The following TBC1D15 variants were observed in gnomAD, a reference collection of about 807,000 sequenced individuals.
TBC1D15 encodes the protein TBC1 domain family member 15.
TBC1D15 carries 39 observed loss-of-function variants against 95.4 expected under a neutral mutation model. The observed-to-expected ratio is 0.41, with a 90% CI of 0.32 to 0.53. The LOEUF is 0.53. Among genes scored for constraint, TBC1D15 ranks in the 20% least tolerant of loss-of-function variants. TBC1D15 has a pLI of 0.29. For synonymous variants in TBC1D15, 258 were observed against 261.3 expected (o/e 0.99, Z 0.12); for missense variants, 733 against 794.3 (o/e 0.92, Z 0.93).
At chr12:71,891,052 T>C (rs1489410156) in intron 5 of TBC1D15, among the ~76,000 whole-genome samples, 1 of 152,106 alleles carries the variant, frequency 6.6e-6, no homozygotes, top group Admixed American at 6.6e-5. Flanking sequence ...AAAGATTAGG[T>C]TCTAGATGTA....
chr12:71,908,616 CA>C (rs1901403156), intron 11 of TBC1D15, among the ~76,000 whole-genome samples: 1 of 152,124 alleles, frequency 6.6e-6, no homozygotes, highest in Non-Finnish European at 1.5e-5. Context: ...GACAGTAAGT[CA>C]AAAGTTGCAG....
chr12:71,923,299 CT>C lies in TBC1D15; in HGVS notation c.*98del. The C allele has an allele frequency of 8.8e-7, 1 of 1,130,202 alleles. No individual in the cohort carries two copies. Among genetic ancestry groups the C allele is most frequent in the Non-Finnish European group, 1.3e-6 (1 of 772,984 alleles). 70.0% of individuals were successfully genotyped at this position (1,130,202 alleles called of 1,614,324 possible). A position where few individuals can be genotyped will look rare whatever the true frequency, so the allele number is the denominator to read the frequency against. On this transcript the variant is annotated 3_prime_UTR_variant, in exon 17 of 17. Transcript: ENST00000485960. ...ATTTGAAATCTTGGTATTGATCATGCTTTAAGGTTTATGTAAAGAAAGTGTA... is the reference window on the plus strand; with the variant it reads ...ATTTGAAATCTTGGTATTGATCATGCTTAAGGTTTATGTAAAGAAAGTGTA...
chr12:71,883,426 T>C (rs564757464), intron 4 of TBC1D15, among the ~76,000 whole-genome samples: 14 of 152,196 alleles, frequency 9.2e-5, no homozygotes, highest in Admixed American at 2.0e-4. Context: ...TGCTGGTCAT[T>C]GTATATAGAT....
intron 12 of TBC1D15, 135 bp downstream of exon 12, chr12:71,914,061 T>C (rs1310418743): frequency 1.7e-6 from 1 of 601,988 alleles, no homozygotes; most frequent in Non-Finnish European, 2.7e-6. Context: ...TTTGTTACTT[T>C]TTCTTTTTAG....
intron 1 of TBC1D15, among the ~76,000 whole-genome samples, chr12:71,871,230 T>C (rs774262783): frequency 6.6e-6 from 1 of 152,200 alleles, no homozygotes; most frequent in Non-Finnish European, 1.5e-5. Context: ...ATTATGTCTT[T>C]ATCATCTTCA....
intron 11 of TBC1D15, among the ~76,000 whole-genome samples, chr12:71,912,537 G>T (rs775998886): frequency 1.3e-5 from 2 of 152,080 alleles, no homozygotes; most frequent in Non-Finnish European, 2.9e-5. Context: ...TCTGTCTGTT[G>T]TGTGTTTGAT....
At chr12:71,877,501 TTCCTTCCTTC>T (rs760741304) in intron 3 of TBC1D15, among the ~76,000 whole-genome samples, 4,127 of 63,478 alleles carry the variant, frequency 0.065, 152 homozygotes, top group Middle Eastern at 0.087. Flanking sequence ...CTGTTTTTCC[TTCCTTCCTTC>T]CTTCCTTCCT....
rs1194125800 is a variant in TBC1D15 at position 71,884,968 on chromosome 12, A to G, written c.501A>G (p.Gln167=). 1 of 1,613,956 alleles carries G rather than the reference A, an allele frequency of 6.2e-7. No individual in the cohort carries two copies. Among genetic ancestry groups the G allele is most frequent in the Non-Finnish European group, 8.5e-7 (1 of 1,179,876 alleles). Residue 167 remains glutamine (Q), a synonymous_variant, in exon 5 of 17, where the codon CAA becomes CAG. Transcript: ENST00000485960. ...TTCTCCCTGCTCTACACTTTCATCA[A>G]GGAGATAGCAAACTACTGATTGAAT... is the stretch of plus-strand genomic sequence containing the variant. ...DVVLPALHFH[Q]GDSKLLIESL...
At chr12:71,922,195 C>T (rs1395783248) in intron 16 of TBC1D15, among the ~76,000 whole-genome samples, 2 of 152,172 alleles carry the variant, frequency 1.3e-5, no homozygotes, top group South Asian at 2.1e-4. Context: ...GTCGATTCTC[C>T]TGCCTCAGCT....
At chr12:71,863,103 G>T (rs1377326767) in intron 1 of TBC1D15, among the ~76,000 whole-genome samples, 1 of 152,158 alleles carries the variant, frequency 6.6e-6, no homozygotes, top group Non-Finnish European at 1.5e-5. Flanking sequence ...TTTAGGCCGG[G>T]TGTGGTGGTT....
intron 1 of TBC1D15, chr12:71,854,448 A>G (rs971412928): frequency 7.2e-6 from 3 of 416,142 alleles, no homozygotes; most frequent in East Asian, 7.1e-5. Context: ...TTGTGTTCCA[A>G]ATTTGTTCTC....
chr12:71,916,596 G>T (rs1903764595), intron 12 of TBC1D15, among the ~76,000 whole-genome samples: 1 of 152,066 alleles, frequency 6.6e-6, no homozygotes, highest in East Asian at 1.9e-4. Context: ...AAGCACTATT[G>T]TACTGTAAAA....
intron 10 of TBC1D15, among the ~76,000 whole-genome samples, chr12:71,904,010 A>G (rs1900078018): frequency 6.6e-6 from 1 of 152,154 alleles, no homozygotes; most frequent in African/African-American, 2.4e-5. Context: ...CTAAAATACA[A>G]CTTGGGAGGA....
At chr12:71,891,284 A>G (rs986276679) in intron 5 of TBC1D15, among the ~76,000 whole-genome samples, 3 of 152,158 alleles carry the variant, frequency 2.0e-5, no homozygotes, top group African/African-American at 7.2e-5. Context: ...TATACTTCAG[A>G]ATTTTCAGGA....
At chr12:71,922,304 A>G (rs899512599) in intron 16 of TBC1D15, among the ~76,000 whole-genome samples, 2 of 152,068 alleles carry the variant, frequency 1.3e-5, no homozygotes. Flanking sequence ...AGGTTGGTCT[A>G]GAATTCCTGA....
intron 10 of TBC1D15, among the ~76,000 whole-genome samples, chr12:71,900,848 G>C (rs1274365581): frequency 6.6e-6 from 1 of 152,134 alleles, no homozygotes; most frequent in Non-Finnish European, 1.5e-5. Flanking sequence ...TAGTAGGAAA[G>C]TGATATTTGA....
chr12:71,874,062 T>C (rs918167911), intron 3 of TBC1D15, among the ~76,000 whole-genome samples: 2 of 152,254 alleles, frequency 1.3e-5, no homozygotes, highest in Non-Finnish European at 2.9e-5. Flanking sequence ...ATTAGTCATA[T>C]TGGATTAGGG....
chr12:71,922,704 A>G (rs1188020281), intron 16 of TBC1D15, among the ~76,000 whole-genome samples: 1 of 152,230 alleles, frequency 6.6e-6, no homozygotes, highest in Non-Finnish European at 1.5e-5. Flanking sequence ...GTAGAAAGAG[A>G]TAAATGCCAA....
chr12:71,850,024 T>C (rs1167282595), intron 1 of TBC1D15: 4 of 521,830 alleles, frequency 7.7e-6, no homozygotes, highest in Non-Finnish European at 1.5e-5. Context: ...AAGTTGACCC[T>C]CTCCAGACAA....
Sources: allele counts gnomAD v4.1 joint callset (sites outside exome capture counted in the v4.1 genomes callset), GRCh38; gene constraint gnomAD v4.1.1; transcripts MANE v1.5; gene names NCBI Gene and HGNC (gene_info 2026-07-23, HGNC 2026-07-21).